Variants in FBXO9 observed in about 807,000 individuals in gnomAD.
FBXO9 encodes the protein F-box only protein 9.
A neutral mutation model predicts 63.7 loss-of-function variants in FBXO9; 43 were observed. The ratio of observed to expected loss-of-function variants is 0.67; its 90% confidence interval spans 0.53 to 0.87. FBXO9 has a LOEUF of 0.87. FBXO9 is among the 40% of genes least tolerant of loss of function. The probability of loss-of-function intolerance (pLI) is 0.00; values close to 1 mark genes in which losing one functional copy is unlikely to be tolerated. For missense variants in FBXO9, 442 were observed against 533.2 expected (o/e 0.83, Z 1.68); for synonymous variants, 156 against 171.7 (o/e 0.91, Z 0.72).
rs997803507 is a variant in FBXO9, at chr6:53,099,686, G to A, written c.*1856G>A. 6.6e-6 allele frequency: 1 copy of A among 152,168 alleles called. No individual in the cohort carries two copies. Among genetic ancestry groups the A allele is most frequent in the African/African-American group, 2.4e-5 (1 of 41,422 alleles). The allele number at this position is 152,168 out of a possible 1,614,324, so 9.4% of individuals were successfully genotyped here. On this transcript the variant is annotated 3_prime_UTR_variant, in exon 13 of 13. Coordinates refer to ENST00000323557, the MANE Select transcript of FBXO9 (RefSeq NM_033480.3). ...TTAGCCAGGAGGCTGAGGCTACAGTGAGCCAAGATTGCACCACTGTGCTCC... is the reference window on the plus strand; with the variant it reads ...TTAGCCAGGAGGCTGAGGCTACAGTAAGCCAAGATTGCACCACTGTGCTCC...
intron 5 of FBXO9, among the ~76,000 whole-genome samples, chr6:53,079,804 A>G (rs1323538033): frequency 2.0e-5 from 3 of 152,152 alleles, no homozygotes; most frequent in East Asian, 3.8e-4. Context: ...CTTATTGCCA[A>G]TGTTTTTTAA....
chr6:53,092,917 G>C, intron 9 of FBXO9, 93 bp downstream of exon 9: 1 of 735,700 alleles, frequency 1.4e-6, no homozygotes, highest in East Asian at 2.9e-5. Context: ...TGATTGACCC[G>C]CAAAATGGCC....
In FBXO9 at chr6:53,076,364, T is replaced by C. The variant is rs747672499; in HGVS notation, c.250-122T>C. 4.0e-5 allele frequency: 26 copies of C among 642,730 alleles called. No individual in the cohort carries two copies. In the South Asian group the frequency reaches 5.1e-4, roughly 13 times the overall value. The allele number at this position is 642,730 out of a possible 1,614,324, so 39.8% of individuals were successfully genotyped here. On this transcript the variant is annotated intron_variant, in intron 3 of 12. Coordinates refer to ENST00000323557, the MANE Select transcript of FBXO9 (RefSeq NM_033480.3). ...GTAAAGTATGAGGTTTAGGTCAAGG[T>C]TCATTAATTTGCCTATGAATATCCA... is the stretch of plus-strand genomic sequence containing the variant.
chr6:53,078,878 T>C lies in FBXO9; in HGVS notation c.387T>C (p.Gly129=). 1 of 1,613,650 alleles carries C rather than the reference T, an allele frequency of 6.2e-7. No homozygotes were observed. The highest frequency in any genetic ancestry group is 8.5e-7 in the Non-Finnish European group (1 of 1,179,582). The change falls in exon 5 of 13, where the codon GGT becomes GGC. Residue 129 remains glycine, a synonymous_variant. Transcript: ENST00000323557. ...FKITYTRSPD[G]DGVGNSYIED... The stretch of plus-strand genomic sequence containing the variant: ...TTACTTATACCCGGTCTCCAGATGG[T>C]GATGGCGTTGGAAACAGCTAGTGCG...
chr6:53,093,045 G>A (rs1454485669), intron 9 of FBXO9: 2 of 432,794 alleles, frequency 4.6e-6, no homozygotes, highest in Non-Finnish European at 8.1e-6. Flanking sequence ...TTTGCCCTGG[G>A]TGTATTTACT....
At chr6:53,081,859 A>G (rs1372253769) in intron 6 of FBXO9, among the ~76,000 whole-genome samples, 1 of 152,156 alleles carries the variant, frequency 6.6e-6, no homozygotes, top group Non-Finnish European at 1.5e-5. Context: ...ACTTGAGGCC[A>G]GGAGTTCAAG....
At chr6:53,066,391 ACTGAG>A (rs1189934159) in intron 1 of FBXO9, among the ~76,000 whole-genome samples, 8 of 152,126 alleles carry the variant, frequency 5.3e-5, no homozygotes, top group African/African-American at 1.2e-4. Flanking sequence ...CAAATGAGAG[ACTGAG>A]CTAAGTTGCA....
chr6:53,078,947 A>G, intron 5 of FBXO9, 49 bp downstream of exon 5: 1 of 1,398,438 alleles, frequency 7.2e-7, no homozygotes. Context: ...TGTTAAAGTT[A>G]AGCATCTTTG....
intron 2 of FBXO9, 74 bp from the exon 3 acceptor site, chr6:53,073,407 G>T: frequency 1.6e-6 from 2 of 1,231,966 alleles, no homozygotes; most frequent in Non-Finnish European, 1.2e-6. Context: ...GATAGATGTT[G>T]GACATATTGA....
chr6:53,067,300 A>G lies in FBXO9; in HGVS notation c.3+1508A>G, dbSNP rs548603054. 6.6e-5 allele frequency among the ~76,000 whole-genome samples: 10 copies of G among 152,334 alleles called. 1 individual carries two copies. The South Asian group carries it at 1.9e-3, about 28-fold the overall frequency. The stretch of plus-strand genomic sequence containing the variant: ...ACAGGCCTTTACTACAAATCAAGCA[A>G]TGTGTTTGACCTTATGGTTACAGAG... On this transcript the variant is annotated intron_variant, in intron 1 of 12. Coordinates refer to ENST00000323557, the MANE Select transcript of FBXO9 (RefSeq NM_033480.3).
At position 53,076,536 on chromosome 6, in the gene FBXO9, C is replaced by G; in HGVS notation, c.300C>G (p.Leu100=). ...TAGAAGAAGAACAAAATGGAGCTCT[C>G]TATGAAGGTAAAAATTCAGAGCCCA... ...KAVEEEQNGA[L]YEAIKFYRRA... Residue 100 remains leucine, a synonymous_variant, in exon 4 of 13, where the codon CTC becomes CTG. Transcript: ENST00000323557. 1 of 1,538,698 alleles carries G rather than the reference C, an allele frequency of 6.5e-7. No individual in the cohort carries two copies. The highest frequency in any genetic ancestry group is 8.7e-7 in the Non-Finnish European group (1 of 1,154,026).
intron 4 of FBXO9, among the ~76,000 whole-genome samples, chr6:53,076,970 C>T (rs1317912822): frequency 6.6e-6 from 1 of 151,954 alleles, no homozygotes; most frequent in African/African-American, 2.4e-5. Context: ...TGCTGGGAAA[C>T]ATCATCATGT....
chr6:53,092,998 G>T, intron 9 of FBXO9, 174 bp downstream of exon 9: 1 of 452,988 alleles, frequency 2.2e-6, no homozygotes, highest in East Asian at 3.3e-5. Context: ...ATAAATTACA[G>T]AATTTCTTCT....
Position 53,071,122 on chromosome 6 carries a change from T to G in FBXO9, c.69T>G (p.Ser23Arg), listed in dbSNP as rs1768901267. 2 of 1,564,974 alleles carry G rather than the reference T, an allele frequency of 1.3e-6. No individual in the cohort carries two copies. Among genetic ancestry groups the G allele is most frequent in the East Asian group, 4.7e-5 (2 of 42,770 alleles). The part of the protein sequence containing the change: ...VRADDDEENE[S>R]PAETDLQAQL... ...CAGATGATGATGAAGAAAATGAAAG[T>G]CCTGCTGAAACAGATCTGCAGGCAT... Residue 23 changes from serine (S) to arginine (R), a missense_variant, in exon 2 of 13, where the codon AGT (serine) becomes AGG (arginine). Transcript: ENST00000323557.
intron 7 of FBXO9, among the ~76,000 whole-genome samples, chr6:53,083,222 T>G (rs1041356132): frequency 2.0e-5 from 3 of 152,236 alleles, no homozygotes; most frequent in Non-Finnish European, 4.4e-5. Flanking sequence ...CAACTTGTTC[T>G]TAAAATTCAG....
chr6:53,097,926 G>GTGTGTGTA lies in FBXO9; in HGVS notation c.*97_*98insGTGTGTAT, dbSNP rs1295147641. 3 of 88,296 alleles carry GTGTGTGTA rather than the reference G, an allele frequency of 3.4e-5. No homozygotes were observed. Among genetic ancestry groups the GTGTGTGTA allele is most frequent in the South Asian group, 3.4e-4 (1 of 2,900 alleles). 5.5% of individuals were successfully genotyped at this position (88,296 alleles called of 1,614,324 possible). A position where few individuals can be genotyped will look rare whatever the true frequency, so the allele number is the denominator to read the frequency against. ...TAAATGTGTGTGTGTGCGTGTGTGT[G>GTGTGTGTA]TATATATATATATATATATATATAT... On this transcript the variant is annotated 3_prime_UTR_variant, in exon 13 of 13. Coordinates refer to ENST00000323557, the MANE Select transcript of FBXO9 (RefSeq NM_033480.3).
intron 7 of FBXO9, among the ~76,000 whole-genome samples, chr6:53,088,503 C>G (rs1164081673): frequency 6.6e-6 from 1 of 152,170 alleles, no homozygotes; most frequent in Admixed American, 6.5e-5. Flanking sequence ...TTACTACTCT[C>G]TCCAGAGGAA....
intron 9 of FBXO9, 29 bp from the exon 10 acceptor site, chr6:53,093,437 G>GT: frequency 6.6e-7 from 1 of 1,511,798 alleles, no homozygotes; most frequent in Non-Finnish European, 9.2e-7. Context: ...TGGGGGGTGT[G>GT]TTTTGGTCTT....
chr6:53,075,737 A>ATTTTTTTT (rs1203980167), intron 3 of FBXO9, among the ~76,000 whole-genome samples: 8 of 102,932 alleles, frequency 7.8e-5, no homozygotes, highest in African/African-American at 1.1e-4. Context: ...ATATATAATT[A>ATTTTTTTT]TTTTTTTTTT....
Sources: allele counts gnomAD v4.1 joint callset (sites outside exome capture counted in the v4.1 genomes callset), GRCh38; gene constraint gnomAD v4.1.1; transcripts MANE v1.5; gene names NCBI Gene and HGNC (gene_info 2026-07-23, HGNC 2026-07-21).